TRIQK: variants seen among roughly 807,000 people sequenced by gnomAD.
The protein encoded by TRIQK is triple QxxK/R motif containing, also known as triple QxxK/R motif-containing protein.
Under a neutral mutation model 10.8 loss-of-function variants are expected in TRIQK, and 10 were observed. The observed-to-expected ratio is 0.92, with a 90% confidence interval of 0.57 to 1.57. The LOEUF is 1.57. Ranked by LOEUF, TRIQK falls within the 40% of genes most tolerant of loss-of-function variation. The pLI is 0.00. For synonymous variants in TRIQK, 33 were observed against 33.7 expected (o/e 0.98, Z 0.07); for missense variants, 107 against 97.7 (o/e 1.09, Z -0.40).
At chr8:92,937,621 C>G (rs1036806152) in intron 2 of TRIQK, among the ~76,000 whole-genome samples, 1 of 150,522 alleles carries the variant, frequency 6.6e-6, no homozygotes, top group African/African-American at 2.4e-5. Flanking sequence ...ATTAATTGAG[C>G]ATTTTTTAGT....
chr8:92,889,548 GCAA>G (rs1816656427), intron 4 of TRIQK, among the ~76,000 whole-genome samples: 1 of 151,472 alleles, frequency 6.6e-6, no homozygotes, highest in Admixed American at 6.6e-5. Flanking sequence ...ATATAATATG[GCAA>G]CACGATGCAC....
chr8:93,014,066 A>G (rs886264589), intron 1 of TRIQK, among the ~76,000 whole-genome samples: 1 of 152,148 alleles, frequency 6.6e-6, no homozygotes, highest in African/African-American at 2.4e-5. Flanking sequence ...CTACAATTAT[A>G]CATAAAAAAT....
At position 92,983,249 on chromosome 8, in the gene TRIQK, C is replaced by G. The variant is rs542748384; in HGVS notation, c.-180-28685G>C. ...AAATAATGTCACAGAAGACACAAGGCAGAGGCAGACAAAGGAGAGAAAAAT... is the reference window on the plus strand; with the variant it reads ...AAATAATGTCACAGAAGACACAAGGGAGAGGCAGACAAAGGAGAGAAAAAT... On this transcript the variant is annotated intron_variant, in intron 1 of 4. Coordinates refer to the TRIQK transcript ENST00000520686. Among the ~76,000 whole-genome samples, 15 of 152,094 alleles carry G rather than the reference C, an allele frequency of 9.9e-5. No homozygotes were observed. In the South Asian group the frequency reaches 3.1e-3, roughly 32 times the overall value.
chr8:92,984,791 C>G (rs1479900087), intron 1 of TRIQK, among the ~76,000 whole-genome samples: 1 of 152,008 alleles, frequency 6.6e-6, no homozygotes, highest in Non-Finnish European at 1.5e-5. Flanking sequence ...TTGTTTCTCT[C>G]TCTTCTCTTC....
upstream of TRIQK, among the ~76,000 whole-genome samples, chr8:92,970,695 T>C (rs1392431662): frequency 1.3e-5 from 2 of 152,194 alleles, no homozygotes; most frequent in Non-Finnish European, 2.9e-5. Context: ...ATTGTAGATA[T>C]TAGACCTTTG....
chr8:92,995,318 T>G (rs576154860), intron 1 of TRIQK, among the ~76,000 whole-genome samples: 11 of 152,230 alleles, frequency 7.2e-5, no homozygotes, highest in African/African-American at 2.6e-4. Context: ...GTTTTTAACT[T>G]ATTCTTTCTG....
chr8:92,990,468 G>A (rs2130749509), intron 1 of TRIQK, among the ~76,000 whole-genome samples: 1 of 152,160 alleles, frequency 6.6e-6, no homozygotes, highest in South Asian at 2.1e-4. Flanking sequence ...TGGCAAGATG[G>A]CCCAATAGGA....
At chr8:92,947,120 C>A (rs1586476712) in intron 2 of TRIQK, among the ~76,000 whole-genome samples, 1 of 151,738 alleles carries the variant, frequency 6.6e-6, no homozygotes, top group African/African-American at 2.4e-5. Flanking sequence ...GTTTTTAGAG[C>A]CTATTCTAAA....
intron 3 of TRIQK, among the ~76,000 whole-genome samples, chr8:92,909,073 A>G (rs1809429462): frequency 6.6e-6 from 1 of 151,968 alleles, no homozygotes; most frequent in Admixed American, 6.6e-5. Flanking sequence ...TATATTGCAA[A>G]CTACAAATAT....
intron 1 of TRIQK, among the ~76,000 whole-genome samples, chr8:92,984,021 C>T (rs1813010011): frequency 6.6e-6 from 1 of 151,980 alleles, no homozygotes; most frequent in South Asian, 2.1e-4. Flanking sequence ...TGAAAAATAT[C>T]TATTTGTCTA....
chr8:92,936,821 T>A (rs912827552), intron 2 of TRIQK, among the ~76,000 whole-genome samples: 13 of 151,692 alleles, frequency 8.6e-5, no homozygotes, highest in African/African-American at 3.1e-4. Flanking sequence ...ATATATAAAG[T>A]TTATATATAA....
intron 3 of TRIQK, among the ~76,000 whole-genome samples, chr8:92,897,541 T>C (rs1191733373): frequency 6.6e-6 from 1 of 152,194 alleles, no homozygotes; most frequent in African/African-American, 2.4e-5. Context: ...TTCCTCTTGC[T>C]TTCTTGTATG....
chr8:92,942,258 T>C (rs1216502092), intron 2 of TRIQK, among the ~76,000 whole-genome samples: 3 of 152,164 alleles, frequency 2.0e-5, no homozygotes. Flanking sequence ...AATCAATAAA[T>C]ATTATACATC....
intron 1 of TRIQK, among the ~76,000 whole-genome samples, chr8:92,992,175 G>C (rs1813102731): frequency 6.6e-6 from 1 of 152,080 alleles, no homozygotes; most frequent in Non-Finnish European, 1.5e-5. Context: ...CAAAGCAAAA[G>C]CAATCCACTG....
At chr8:92,892,652 T>C (rs1033752006) in intron 3 of TRIQK, among the ~76,000 whole-genome samples, 1 of 151,990 alleles carries the variant, frequency 6.6e-6, no homozygotes, top group Non-Finnish European at 1.5e-5. Flanking sequence ...GAGAACAAAA[T>C]TAACATGGCT....
intron 1 of TRIQK, among the ~76,000 whole-genome samples, chr8:92,994,514 A>G (rs1813132901): frequency 6.6e-6 from 1 of 152,000 alleles, no homozygotes; most frequent in Admixed American, 6.6e-5. Flanking sequence ...TATTTAGAGG[A>G]ACAATTTAAA....
At position 92,886,543 on chromosome 8, in the gene TRIQK, A is replaced by G; in HGVS notation, c.*79T>C. 1 of 733,190 alleles carries G rather than the reference A, an allele frequency of 1.4e-6. No homozygotes were observed. The highest frequency in any genetic ancestry group is 2.2e-6 in the Non-Finnish European group (1 of 457,486). 45.4% of individuals were successfully genotyped at this position (733,190 alleles called of 1,614,324 possible). A position where few individuals can be genotyped will look rare whatever the true frequency, so the allele number is the denominator to read the frequency against. On this transcript the variant is annotated 3_prime_UTR_variant, in exon 5 of 5. Transcript: ENST00000521988. ...TAGCAGAAAGAATTAAAGATGTTAC[A>G]GTTTCAGTATTGAAAGTTTTGGTCC... is the stretch of plus-strand genomic sequence containing the variant.
intron 1 of TRIQK, among the ~76,000 whole-genome samples, chr8:93,004,239 A>G (rs1813244415): frequency 6.6e-6 from 1 of 152,002 alleles, no homozygotes; most frequent in African/African-American, 2.4e-5. Context: ...AGGCTCCCAC[A>G]CCTCAGCTCC....
At chr8:92,945,608 C>T (rs561029850) in intron 2 of TRIQK, among the ~76,000 whole-genome samples, 29 of 152,302 alleles carry the variant, frequency 1.9e-4, no homozygotes, top group African/African-American at 7.0e-4. Flanking sequence ...TTTGCTCGTG[C>T]AGCTGTGGAC....
Sources: allele counts gnomAD v4.1 joint callset (sites outside exome capture counted in the v4.1 genomes callset), GRCh38; gene constraint gnomAD v4.1.1; transcripts MANE v1.5; gene names NCBI Gene and HGNC (gene_info 2026-07-23, HGNC 2026-07-21).